The following TMEM132D variants were observed in gnomAD, a reference collection of about 807,000 sequenced individuals.
TMEM132D encodes the protein transmembrane protein 132D.
A neutral mutation model predicts 62.3 loss-of-function variants in TMEM132D; 21 were observed. The ratio of observed to expected loss-of-function variants is 0.34; its 90% CI spans 0.24 to 0.49. The LOEUF (loss-of-function observed/expected upper bound fraction) is 0.49. TMEM132D is among the 20% of genes least tolerant of loss of function. The probability of loss-of-function intolerance (pLI) is 0.99; values close to 1 mark genes in which losing one functional copy is unlikely to be tolerated. For synonymous variants in TMEM132D, 621 were observed against 575.6 expected (o/e 1.08, Z -1.13); for missense variants, 1,346 against 1,402.8 (o/e 0.96, Z 0.65).
At chr12:129,238,174 T>C (rs1879834764) in intron 4 of TMEM132D, among the ~76,000 whole-genome samples, 1 of 152,128 alleles carries the variant, frequency 6.6e-6, no homozygotes, top group Non-Finnish European at 1.5e-5. Flanking sequence ...TACAGGTGGA[T>C]GGGTGCACAC....
chr12:129,649,881 T>C (rs1413852442), intron 2 of TMEM132D, among the ~76,000 whole-genome samples: 7 of 150,338 alleles, frequency 4.7e-5, no homozygotes, highest in Admixed American at 2.0e-4. Context: ...TGTGCATGTG[T>C]GTATATGTGT....
chr12:129,779,766 G>C lies in TMEM132D; in HGVS notation c.80-79068C>G, dbSNP rs1871062501. 6.6e-6 allele frequency among the ~76,000 whole-genome samples: 1 copy of C among 152,088 alleles called. No homozygotes were observed. The stretch of plus-strand genomic sequence containing the variant: ...GGTTTATTCTGGGAACAGGATTTAA[G>C]GGGTCGCCTCCCCACTCAAACTCAT... On this transcript the variant is annotated intron_variant, in intron 1 of 8. Transcript: ENST00000422113. This position sits in a 1 kb window ranked among gnomAD's most constrained non-coding sequence, Gnocchi z 4.1.
rs1156575431 is a variant in TMEM132D, at chr12:129,415,979, C to T, written c.1116-78162G>A. Among the ~76,000 whole-genome samples, 3 of 152,348 alleles carry T rather than the reference C, an allele frequency of 2.0e-5. No individual in the cohort carries two copies. In the East Asian group the frequency reaches 5.8e-4, roughly 29 times the overall value. ...CACTGCTATTCTTCCCCCTTCTGTA[C>T]TGAGGTGCATGGTGTCTTCCAAATA... On this transcript the variant is annotated intron_variant, in intron 3 of 8. Transcript: ENST00000422113.
intron 2 of TMEM132D, among the ~76,000 whole-genome samples, chr12:129,575,409 G>A (rs910602009): frequency 1.3e-5 from 2 of 151,810 alleles, no homozygotes; most frequent in African/African-American, 2.4e-5. Context: ...TCGCTTGCAT[G>A]CTGGTGTTAG....
rs913624487 is a variant in TMEM132D, at chr12:129,307,222, A to G, written c.1299+30412T>C. Among the ~76,000 whole-genome samples, 3 of 152,194 alleles carry G rather than the reference A, an allele frequency of 2.0e-5. No individual in the cohort carries two copies. In the South Asian group the frequency reaches 6.2e-4, roughly 32 times the overall value. Reference sequence around the variant, plus strand: ...TTTAAAGAGTTTCTAGGAGATTTAGAGAGAAACTCGAGCACCCTATGAAAA... The same window carrying G: ...TTTAAAGAGTTTCTAGGAGATTTAGGGAGAAACTCGAGCACCCTATGAAAA... On this transcript the variant is annotated intron_variant, in intron 4 of 8. Coordinates refer to ENST00000422113, the MANE Select transcript of TMEM132D (RefSeq NM_133448.3).
intron 3 of TMEM132D, among the ~76,000 whole-genome samples, chr12:129,473,339 T>TTTC (rs1250357309): frequency 1.4e-5 from 2 of 141,208 alleles, no homozygotes; most frequent in East Asian, 4.1e-4. Context: ...TTTTTTTTTT[T>TTTC]TTTTTTTGAG....
chr12:129,743,476 C>T (rs1007584442), intron 1 of TMEM132D, among the ~76,000 whole-genome samples: 2 of 152,190 alleles, frequency 1.3e-5, no homozygotes, highest in African/African-American at 4.8e-5. Flanking sequence ...GTGTTTGCTT[C>T]CCCTTCTGCC....
chr12:129,322,639 T>C (rs1036090831), intron 4 of TMEM132D, among the ~76,000 whole-genome samples: 2 of 152,126 alleles, frequency 1.3e-5, no homozygotes, highest in Admixed American at 1.3e-4. Flanking sequence ...AAGATATGGG[T>C]TCTAGGTTCC....
intron 4 of TMEM132D, among the ~76,000 whole-genome samples, chr12:129,216,478 G>A (rs1328896456): frequency 6.6e-6 from 1 of 152,206 alleles, no homozygotes; most frequent in Non-Finnish European, 1.5e-5. Flanking sequence ...CAGGAAGATG[G>A]AGCCAGAGAT....
intron 1 of TMEM132D, among the ~76,000 whole-genome samples, chr12:129,767,681 T>C (rs1349393101): frequency 1.3e-5 from 2 of 152,228 alleles, no homozygotes; most frequent in East Asian, 3.9e-4. Context: ...GTTTTTGTTT[T>C]TAAGGCTAAA....
intron 1 of TMEM132D, among the ~76,000 whole-genome samples, chr12:129,817,221 T>C (rs1265543173): frequency 6.6e-6 from 1 of 152,146 alleles, no homozygotes; most frequent in Non-Finnish European, 1.5e-5. Flanking sequence ...GCACTTAGTG[T>C]GTATTTGTTG....
chr12:129,316,163 G>T (rs75535136), intron 4 of TMEM132D, among the ~76,000 whole-genome samples: 1 of 151,802 alleles, frequency 6.6e-6, no homozygotes, highest in African/African-American at 2.4e-5. Flanking sequence ...CTCTGATCTT[G>T]GTTATTTCCT....
At chr12:129,571,502 G>A (rs1238089269) in intron 2 of TMEM132D, among the ~76,000 whole-genome samples, 2 of 152,076 alleles carry the variant, frequency 1.3e-5, no homozygotes, top group Admixed American at 6.6e-5. Context: ...AACCCAGGAG[G>A]CAGAGCTTGC....
rs186953876 is a variant in TMEM132D, at chr12:129,118,506, T to C, written c.1444-33804A>G. Among the ~76,000 whole-genome samples, 5 of 152,336 alleles carry C rather than the reference T, an allele frequency of 3.3e-5. No homozygotes were observed. In the East Asian group the frequency reaches 9.7e-4, roughly 29 times the overall value. ...CTTCTGCTGTGCTAGACTCCAGGGA[T>C]GGCACCAAGACAGCTCCAGTTTCCA... On this transcript the variant is annotated intron_variant, in intron 5 of 8. Transcript: ENST00000422113.
chr12:129,860,683 G>T (rs191270953), intron 1 of TMEM132D, among the ~76,000 whole-genome samples: 2 of 152,242 alleles, frequency 1.3e-5, no homozygotes, highest in African/African-American at 2.4e-5. Context: ...TCCGAGACTG[G>T]GTAATATATA....
intron 5 of TMEM132D, among the ~76,000 whole-genome samples, chr12:129,143,177 G>T (rs1876792771): frequency 6.6e-6 from 1 of 152,100 alleles, no homozygotes; most frequent in Admixed American, 6.6e-5. Flanking sequence ...TAGAACTTCT[G>T]ATTGACTGGC....
At chr12:129,195,841 C>T (rs768907753) in intron 5 of TMEM132D, among the ~76,000 whole-genome samples, 5 of 152,128 alleles carry the variant, frequency 3.3e-5, no homozygotes, top group South Asian at 2.1e-4. Flanking sequence ...AAAGAGTTTA[C>T]GGGGGCCAGG....
chr12:129,333,636 G>C (rs760520113), intron 4 of TMEM132D, among the ~76,000 whole-genome samples: 27 of 152,126 alleles, frequency 1.8e-4, no homozygotes, highest in Admixed American at 1.6e-3. Context: ...ATTTCTCCAT[G>C]TGCACTCCCT....
intron 5 of TMEM132D, among the ~76,000 whole-genome samples, chr12:129,135,071 C>T (rs1302928210): frequency 2.0e-5 from 3 of 152,116 alleles, no homozygotes; most frequent in Admixed American, 6.5e-5. Context: ...GGTCATACCC[C>T]CTATGATATG....
Sources: allele counts gnomAD v4.1 joint callset (sites outside exome capture counted in the v4.1 genomes callset), GRCh38; gene constraint gnomAD v4.1.1; non-coding constraint Gnocchi (gnomAD v3.1); transcripts MANE v1.5; gene names NCBI Gene and HGNC (gene_info 2026-07-23, HGNC 2026-07-21).